Variants in FHIT observed in about 807,000 individuals in gnomAD.
The protein encoded by FHIT is fragile histidine triad diadenosine triphosphatase, also known as bis(5'-adenosyl)-triphosphatase.
FHIT carries 19 observed loss-of-function variants against 17.9 expected under a neutral mutation model. The observed-to-expected ratio is 1.06, with a 90% CI of 0.74 to 1.56. The LOEUF (loss-of-function observed/expected upper bound fraction) is 1.56. Ranked by LOEUF, FHIT falls within the 40% of genes most tolerant of loss-of-function variation. The pLI, the probability that FHIT is intolerant of heterozygous loss-of-function variation, is 0.00. For missense variants in FHIT, 248 were observed against 189.2 expected (o/e 1.31, Z -1.82); for synonymous variants, 81 against 69.7 (o/e 1.16, Z -0.81).
chr3:61,042,973 A>T (rs1334267522), intron 2 of FHIT, among the ~76,000 whole-genome samples: 1 of 152,178 alleles, frequency 6.6e-6, no homozygotes, highest in Admixed American at 6.5e-5. Context: ...AATTTTTTTT[A>T]GAACAACAGG....
chr3:61,148,529 G>T (rs1324004513), intron 2 of FHIT, among the ~76,000 whole-genome samples: 1 of 152,046 alleles, frequency 6.6e-6, no homozygotes, highest in Admixed American at 6.6e-5. Flanking sequence ...GTATATATTT[G>T]TTGTTTGTTC....
chr3:60,553,152 A>G (rs1489365761), intron 4 of FHIT, among the ~76,000 whole-genome samples: 1 of 152,110 alleles, frequency 6.6e-6, no homozygotes, highest in Non-Finnish European at 1.5e-5. Flanking sequence ...ATATGTAGAC[A>G]TCATCTTTAT....
In FHIT at chr3:60,273,028, T is replaced by C. The variant is rs114448651; in HGVS notation, c.104-258876A>G. 5.7e-3 allele frequency among the ~76,000 whole-genome samples: 873 copies of C among 152,318 alleles called. 5 individuals carry two copies. Among genetic ancestry groups the C allele is most frequent in the Middle Eastern group, 0.017 (5 of 294 alleles). On this transcript the variant is annotated intron_variant, in intron 5 of 9. Coordinates refer to ENST00000492590, the MANE Select transcript of FHIT (RefSeq NM_002012.4). ...ACTGTTTCTCTAACAAGGTAAACAA[T>C]GGATTAGTAAAAACTACACATATCA... is the stretch of plus-strand genomic sequence containing the variant.
At chr3:61,156,323 A>T (rs969333151) in intron 2 of FHIT, among the ~76,000 whole-genome samples, 1 of 152,126 alleles carries the variant, frequency 6.6e-6, no homozygotes, top group East Asian at 1.9e-4. Flanking sequence ...CCATTTTTTA[A>T]GTCTACTTAA....
intron 3 of FHIT, among the ~76,000 whole-genome samples, chr3:61,018,799 C>G (rs920168498): frequency 2.0e-5 from 3 of 152,166 alleles, no homozygotes; most frequent in Admixed American, 6.5e-5. Flanking sequence ...TTTTGCATTT[C>G]TTTCACCCAT....
chr3:61,081,314 T>TTCGCCATTCTTC (rs2106777006), intron 2 of FHIT, among the ~76,000 whole-genome samples: 1 of 152,058 alleles, frequency 6.6e-6, no homozygotes, highest in African/African-American at 2.4e-5. Context: ...TGCCATTCTT[T>TTCGCCATTCTTC]CAATTCATTC....
intron 8 of FHIT, among the ~76,000 whole-genome samples, chr3:59,883,709 G>C (rs1703502389): frequency 6.6e-6 from 1 of 152,180 alleles, no homozygotes; most frequent in African/African-American, 2.4e-5. Context: ...TTCCAAGTCT[G>C]TGCAGTGACA....
chr3:60,129,352 CT>C (rs1699422926), intron 5 of FHIT, among the ~76,000 whole-genome samples: 1 of 152,036 alleles, frequency 6.6e-6, no homozygotes, highest in African/African-American at 2.4e-5. Flanking sequence ...TCTTCTTTCT[CT>C]TTCTAAAAGC....
At chr3:60,474,380 G>A (rs900071319) in intron 5 of FHIT, among the ~76,000 whole-genome samples, 1 of 152,086 alleles carries the variant, frequency 6.6e-6, no homozygotes, top group African/African-American at 2.4e-5. Flanking sequence ...AATAGATGAA[G>A]CCCCAAAGGG....
chr3:60,745,942 C>G (rs1446484276), intron 4 of FHIT, among the ~76,000 whole-genome samples: 1 of 152,136 alleles, frequency 6.6e-6, no homozygotes, highest in Admixed American at 6.6e-5. Flanking sequence ...GCATAAGACT[C>G]CACAGGAAAC....
intron 5 of FHIT, among the ~76,000 whole-genome samples, chr3:60,067,466 C>T (rs895504938): frequency 4.6e-5 from 7 of 152,158 alleles, no homozygotes; most frequent in Admixed American, 3.9e-4. Context: ...TCTCATTTAA[C>T]TGGGAAAAGT....
At chr3:60,632,061 T>A (rs1486296207) in intron 4 of FHIT, among the ~76,000 whole-genome samples, 1 of 148,406 alleles carries the variant, frequency 6.7e-6, no homozygotes, top group African/African-American at 2.5e-5. Flanking sequence ...TGCTCTTGGC[T>A]GGGGAGAATT....
At chr3:61,221,169 CA>C (rs2039826566) in intron 1 of FHIT, among the ~76,000 whole-genome samples, 2 of 152,344 alleles carry the variant, frequency 1.3e-5, no homozygotes, top group Admixed American at 1.3e-4. Context: ...TGTGCCACCC[CA>C]ACAGGACTGG....
At chr3:60,934,202 C>T (rs1282918724) in intron 3 of FHIT, among the ~76,000 whole-genome samples, 1 of 151,772 alleles carries the variant, frequency 6.6e-6, no homozygotes, top group Non-Finnish European at 1.5e-5. Flanking sequence ...TTTTGCAGTA[C>T]CAGGAGAAAT....
intron 5 of FHIT, among the ~76,000 whole-genome samples, chr3:60,295,200 T>C (rs1708154707): frequency 6.6e-6 from 1 of 152,030 alleles, no homozygotes; most frequent in Admixed American, 6.6e-5. Context: ...CAGTGGGCTA[T>C]GATTACACCT....
At chr3:60,614,066 G>C (rs552601008) in intron 4 of FHIT, among the ~76,000 whole-genome samples, 111 of 152,140 alleles carry the variant, frequency 7.3e-4, no homozygotes, top group African/African-American at 2.4e-3. Context: ...GAAATACAAG[G>C]CAAGCAAAGT....
At chr3:60,573,397 C>A (rs1034934265) in intron 4 of FHIT, among the ~76,000 whole-genome samples, 1 of 152,166 alleles carries the variant, frequency 6.6e-6, no homozygotes, top group Non-Finnish European at 1.5e-5. Flanking sequence ...GTCCCCTCCT[C>A]CTGTATTCTT....
At chr3:59,925,219 T>C (rs1705598108) in intron 7 of FHIT, among the ~76,000 whole-genome samples, 1 of 152,084 alleles carries the variant, frequency 6.6e-6, no homozygotes, top group South Asian at 2.1e-4. Context: ...TCCTCCTGCC[T>C]CAGCCTCCCA....
chr3:59,841,328 G>C (rs185848430), intron 8 of FHIT, among the ~76,000 whole-genome samples: 56 of 152,274 alleles, frequency 3.7e-4, no homozygotes, highest in Admixed American at 1.0e-3. Context: ...CCTCCCAACT[G>C]TAAGGTGGAT....
Sources: allele counts gnomAD v4.1 joint callset (sites outside exome capture counted in the v4.1 genomes callset), GRCh38; gene constraint gnomAD v4.1.1; transcripts MANE v1.5; gene names NCBI Gene and HGNC (gene_info 2026-07-23, HGNC 2026-07-21).